Variants in GRM1 observed in about 807,000 individuals in gnomAD.
The protein encoded by GRM1 is metabotropic glutamate receptor 1.
In GRM1, 33 loss-of-function variants were observed where a neutral mutation model predicts 90.9. The observed-to-expected ratio is 0.36, with a 90% CI of 0.28 to 0.49. GRM1 has a LOEUF of 0.49. Ranked by LOEUF, GRM1 falls within the 20% of genes least tolerant of loss-of-function variation. The probability of loss-of-function intolerance (pLI) is 0.99; values close to 1 mark genes in which losing one functional copy is unlikely to be tolerated. For missense variants in GRM1, 1,190 were observed against 1,534.3 expected, an observed-to-expected ratio of 0.78 and a Z score of 3.75; for synonymous variants, 700 against 613.2, an observed-to-expected ratio of 1.14 and a Z score of -2.09.
chr6:146,226,302 T>A (rs1011463086), intron 2 of GRM1, among the ~76,000 whole-genome samples: 1 of 152,118 alleles, frequency 6.6e-6, no homozygotes, highest in Non-Finnish European at 1.5e-5. Context: ...TTGGTAGGCA[T>A]GTTGCAATTT....
At chr6:146,208,519 T>C (rs1779570254) in intron 2 of GRM1, among the ~76,000 whole-genome samples, 1 of 152,166 alleles carries the variant, frequency 6.6e-6, no homozygotes, top group Non-Finnish European at 1.5e-5. Context: ...ATCTGGCTAT[T>C]AAAAATATCA....
At chr6:146,300,471 T>C (rs557501849) in intron 2 of GRM1, among the ~76,000 whole-genome samples, 21 of 152,262 alleles carry the variant, frequency 1.4e-4, no homozygotes, top group Middle Eastern at 3.4e-3. Context: ...ATTTTATAGG[T>C]TGATTGGAAA....
Position 146,434,637 on chromosome 6 carries a change from G to C in GRM1, c.3426G>C (p.Ser1142=). Residue 1142 remains serine, a synonymous_variant, in exon 8 of 8, where the codon TCG becomes TCC. Transcript: ENST00000282753. ...CCAGCAAACTGACCCCGGATGATTC[G>C]CCTGCGCTGACGCCTCCGTCGCCTT... The part of the protein sequence containing the change: ...QAASKLTPDD[S]PALTPPSPFR... 1 of 1,611,282 alleles carries C rather than the reference G, an allele frequency of 6.2e-7. No individual in the cohort carries two copies. Among genetic ancestry groups the C allele is most frequent in the East Asian group, 2.2e-5 (1 of 44,872 alleles).
At position 146,029,527 on chromosome 6, in the gene GRM1, C is replaced by T. The variant is rs1052753583; in HGVS notation, c.10C>T (p.Leu4Phe). MVG[L>F]LLFFFPAIFL... ...CCTCGTCCTCACCACCATGGTCGGG[C>T]TCCTTTTGTTTTTTTTCCCAGCGAT... The change falls in exon 1 of 8, where the codon CTC becomes TTC. Residue 4 changes from leucine to phenylalanine, a missense_variant. By Grantham distance (22) the Leu-to-Phe change is conservative. This residue lies in a region of GRM1 where 44 missense variants were observed against 35.8 expected (regional missense o/e 1.23). Transcript: ENST00000282753. The T allele has an allele frequency of 1.2e-6, 2 of 1,613,680 alleles. No individual in the cohort carries two copies. The highest frequency in any genetic ancestry group is 2.2e-5 in the East Asian group (1 of 44,866).
At chr6:146,162,529 G>C (rs949940883) in intron 2 of GRM1, among the ~76,000 whole-genome samples, 1 of 152,016 alleles carries the variant, frequency 6.6e-6, no homozygotes, top group South Asian at 2.1e-4. Flanking sequence ...CCTCAGAATC[G>C]GACCTCTTGG....
intron 3 of GRM1, among the ~76,000 whole-genome samples, chr6:146,333,589 T>C (rs750150236): frequency 6.6e-6 from 1 of 152,150 alleles, no homozygotes; most frequent in Non-Finnish European, 1.5e-5. Flanking sequence ...CAGCCTGATA[T>C]ACGGTTTGGA....
At chr6:146,028,982 C>T (rs1003232234), upstream of GRM1, among the ~76,000 whole-genome samples, 1 of 152,158 alleles carries the variant, frequency 6.6e-6, no homozygotes, top group East Asian at 1.9e-4. Context: ...GGCGAGTTGG[C>T]GGGGCTCTGC....
chr6:146,197,088 G>C (rs1779147778), intron 2 of GRM1, among the ~76,000 whole-genome samples: 2 of 152,178 alleles, frequency 1.3e-5, no homozygotes, highest in African/African-American at 4.8e-5. Context: ...TTCCCAATGG[G>C]AGAGCACAGA....
chr6:146,407,510 A>G (rs950797824), intron 7 of GRM1, among the ~76,000 whole-genome samples: 1 of 152,238 alleles, frequency 6.6e-6, no homozygotes, highest in Admixed American at 6.5e-5. Context: ...AGATTCAGAT[A>G]AACTTGTATA....
chr6:146,115,733 T>G (rs531587725), intron 1 of GRM1, among the ~76,000 whole-genome samples: 10 of 152,310 alleles, frequency 6.6e-5, no homozygotes, highest in African/African-American at 2.4e-4. Flanking sequence ...TACATTGATT[T>G]ATTAGAAAAG....
At chr6:146,334,036 A>G (rs1784676345) in intron 3 of GRM1, among the ~76,000 whole-genome samples, 1 of 152,194 alleles carries the variant, frequency 6.6e-6, no homozygotes, top group Admixed American at 6.5e-5. Context: ...TAGTGTCTGC[A>G]TGACTCTTCC....
intron 1 of GRM1, among the ~76,000 whole-genome samples, chr6:146,116,232 C>T (rs1775740494): frequency 6.6e-6 from 1 of 152,140 alleles, no homozygotes; most frequent in African/African-American, 2.4e-5. Flanking sequence ...ATTGGGATTA[C>T]AGGCATGAAC....
intron 5 of GRM1, among the ~76,000 whole-genome samples, chr6:146,373,136 T>G (rs1775964732): frequency 6.6e-6 from 1 of 152,180 alleles, no homozygotes; most frequent in African/African-American, 2.4e-5. Context: ...CTCTTCAATT[T>G]CTTTCATCAG....
intron 4 of GRM1, among the ~76,000 whole-genome samples, chr6:146,353,865 C>G (rs1231130314): frequency 6.6e-6 from 1 of 152,208 alleles, no homozygotes; most frequent in Non-Finnish European, 1.5e-5. Flanking sequence ...CTTCTGACCT[C>G]AAGTGATCCA....
intron 5 of GRM1, among the ~76,000 whole-genome samples, chr6:146,359,858 G>A (rs362901): frequency 0.2 from 29,897 of 152,028 alleles, 3,883 homozygotes; most frequent in African/African-American, 0.37. Flanking sequence ...AAGCTCCTGG[G>A]GGCCAATTTT....
intron 1 of GRM1, among the ~76,000 whole-genome samples, chr6:146,066,766 C>CAGAGAGAGAG (rs560090955): frequency 3.2e-4 from 19 of 60,166 alleles, no homozygotes; most frequent in African/African-American, 7.2e-4. Flanking sequence ...GACAGACAGG[C>CAGAGAGAGAG]AGAGAGAGAG....
chr6:146,250,236 G>A (rs1781223535), intron 2 of GRM1, among the ~76,000 whole-genome samples: 1 of 152,188 alleles, frequency 6.6e-6, no homozygotes, highest in South Asian at 2.1e-4. Context: ...GCTTTGAAAT[G>A]TGAAAAGGAC....
intron 1 of GRM1, among the ~76,000 whole-genome samples, chr6:146,039,547 C>T (rs369790500): frequency 6.6e-6 from 1 of 151,996 alleles, no homozygotes; most frequent in East Asian, 1.9e-4. Flanking sequence ...AAATCAAGAT[C>T]AGATTATATT....
chr6:146,081,090 G>A (rs1350207046), intron 1 of GRM1, among the ~76,000 whole-genome samples: 1 of 152,178 alleles, frequency 6.6e-6, no homozygotes, highest in African/African-American at 2.4e-5. Context: ...GTCCGTCTCA[G>A]CAAAGCATCA....
Sources: gnomAD v4.1 joint callset for allele counts (sites outside exome capture counted in the v4.1 genomes callset) on GRCh38, gnomAD v4.1.1 for gene constraint, gnomAD v4.1.1 regional missense constraint, MANE v1.5 for transcripts, NCBI Gene and HGNC (gene_info 2026-07-23, HGNC 2026-07-21) for gene names.